S100A8: variants seen among roughly 807,000 people sequenced by gnomAD.
S100A8 encodes the protein S100 calcium binding protein A8, also known as protein S100-A8.
Under a neutral mutation model 4.2 loss-of-function variants are expected in S100A8, and 1 was observed. The ratio of observed to expected loss-of-function variants is 0.24; its 90% CI spans 0.08 to 1.12. The LOEUF (loss-of-function observed/expected upper bound fraction) is 1.12. Among genes scored for constraint, S100A8 ranks in the 50% most tolerant of loss-of-function variants. The pLI is 0.53. For synonymous variants in S100A8, 41 were observed against 44.7 expected, an observed-to-expected ratio of 0.92 and a Z score of 0.33; for missense variants, 96 against 111.8, an observed-to-expected ratio of 0.86 and a Z score of 0.64.
the S100A8 span, among the ~76,000 whole-genome samples, chr1:153,409,157 G>A: frequency 9.2e-5 from 14 of 152,204 alleles, no homozygotes; most frequent in Middle Eastern, 6.8e-3. Flanking sequence ...TGGGCTAAAT[G>A]CTCCAATTAA....
At chr1:153,409,287 AC>A in the S100A8 span, among the ~76,000 whole-genome samples, 37 of 152,356 alleles carry the variant, frequency 2.4e-4, no homozygotes, top group African/African-American at 8.7e-4. Flanking sequence ...AGGAAGACCT[AC>A]CAAGCAAAAG....
chr1:153,409,194 A>G, the S100A8 span, among the ~76,000 whole-genome samples: 1 of 152,222 alleles, frequency 6.6e-6, no homozygotes, highest in Non-Finnish European at 1.5e-5. Context: ...AATTGGATAA[A>G]GAGTCAAGAC....
the S100A8 span, among the ~76,000 whole-genome samples, chr1:153,406,180 C>T: frequency 6.6e-6 from 1 of 152,192 alleles, no homozygotes; most frequent in South Asian, 2.1e-4. Context: ...CACACTTTAT[C>T]TGAACCTTTT....
At chr1:153,391,554 C>A (rs899750899), upstream of S100A8, among the ~76,000 whole-genome samples, 5 of 152,184 alleles carry the variant, frequency 3.3e-5, no homozygotes, top group Admixed American at 3.3e-4. Flanking sequence ...CGTGTCCTGG[C>A]TGATGGCTTT....
chr1:153,410,526 T>C, the S100A8 span, among the ~76,000 whole-genome samples: 1 of 152,220 alleles, frequency 6.6e-6, no homozygotes, highest in East Asian at 1.9e-4. Context: ...ACCAGATGAA[T>C]TCACAACCGA....
At chr1:153,397,916 C>A in the S100A8 span, among the ~76,000 whole-genome samples, 1 of 152,316 alleles carries the variant, frequency 6.6e-6, no homozygotes, top group Admixed American at 6.5e-5. Context: ...GGGCTGTGAC[C>A]CCCATGAGTG....
chr1:153,404,753 G>A, the S100A8 span, among the ~76,000 whole-genome samples: 7 of 152,290 alleles, frequency 4.6e-5, no homozygotes, highest in East Asian at 3.9e-4. Context: ...AATTAAGTAA[G>A]AAAAGCCCTC....
chr1:153,398,945 C>T, the S100A8 span, among the ~76,000 whole-genome samples: 4 of 152,318 alleles, frequency 2.6e-5, no homozygotes, highest in Admixed American at 1.3e-4. Flanking sequence ...CCTTGGGCCA[C>T]GATTGTGCTG....
At chr1:153,409,007 C>G in the S100A8 span, among the ~76,000 whole-genome samples, 1 of 152,304 alleles carries the variant, frequency 6.6e-6, no homozygotes, top group African/African-American at 2.4e-5. Flanking sequence ...CAACCGTTAC[C>G]AGCCACTACA....
chr1:153,396,285 C>T, the S100A8 span, among the ~76,000 whole-genome samples: 3 of 152,264 alleles, frequency 2.0e-5, no homozygotes, highest in Admixed American at 6.5e-5. Flanking sequence ...GACAGGGGCT[C>T]CCTGGAGGCA....
At chr1:153,408,499 G>T in the S100A8 span, among the ~76,000 whole-genome samples, 1 of 152,196 alleles carries the variant, frequency 6.6e-6, no homozygotes, top group Non-Finnish European at 1.5e-5. Flanking sequence ...ATCTAAGTCT[G>T]CTTGGTGTAC....
chr1:153,395,529 GCTGTTTAC>G (rs930146335), upstream of S100A8, among the ~76,000 whole-genome samples: 1 of 152,070 alleles, frequency 6.6e-6, no homozygotes, highest in African/African-American at 2.4e-5. Context: ...TCCCCATGAA[GCTGTTTAC>G]CTCCTCGTCA....
chr1:153,392,343 T>C (rs912447247), upstream of S100A8, among the ~76,000 whole-genome samples: 1 of 152,178 alleles, frequency 6.6e-6, no homozygotes, highest in African/African-American at 2.4e-5. Context: ...AAACAAGTGT[T>C]GGTGAGGGCA....
the S100A8 span, chr1:153,419,102 T>C: frequency 6.2e-7 from 1 of 1,600,814 alleles, no homozygotes; most frequent in Admixed American, 1.7e-5. Flanking sequence ...CAAAACTTGT[T>C]TGTGATTGAA....
At chr1:153,412,028 C>T in the S100A8 span, among the ~76,000 whole-genome samples, 1 of 152,126 alleles carries the variant, frequency 6.6e-6, no homozygotes, top group Non-Finnish European at 1.5e-5. Flanking sequence ...ACCATAGAAA[C>T]CCTAGAAGGA....
chr1:153,410,089 C>T, the S100A8 span, among the ~76,000 whole-genome samples: 6 of 152,260 alleles, frequency 3.9e-5, no homozygotes, highest in East Asian at 7.7e-4. Context: ...CAAGAGCAAA[C>T]ACATTCAAAA....
chr1:153,409,177 A>T, the S100A8 span, among the ~76,000 whole-genome samples: 1 of 152,192 alleles, frequency 6.6e-6, no homozygotes, highest in Non-Finnish European at 1.5e-5. Context: ...AAAGACACAG[A>T]CTGGCAAATT....
At chr1:153,405,032 A>C in the S100A8 span, among the ~76,000 whole-genome samples, 4 of 152,012 alleles carry the variant, frequency 2.6e-5, no homozygotes, top group African/African-American at 9.7e-5. Context: ...CAGCCCTTAC[A>C]GTGTAAGTCA....
the S100A8 span, chr1:153,416,559 T>C: frequency 1.2e-5 from 6 of 486,448 alleles, 1 homozygote; most frequent in African/African-American, 4.0e-5. Context: ...CACTTCCCAG[T>C]TCTGGTAAGT....
Sources: gnomAD v4.1 joint callset for allele counts (sites outside exome capture counted in the v4.1 genomes callset) on GRCh38, gnomAD v4.1.1 for gene constraint, MANE v1.5 for transcripts, NCBI Gene and HGNC (gene_info 2026-07-23, HGNC 2026-07-21) for gene names.